Variants in SETD3 observed in about 807,000 individuals in gnomAD.
The protein encoded by SETD3 is actin-histidine N-methyltransferase.
SETD3 carries 19 observed loss-of-function variants against 63.0 expected under a neutral mutation model. The ratio of observed to expected loss-of-function variants is 0.30; its 90% CI spans 0.21 to 0.44. SETD3 has a LOEUF of 0.44. Ranked by LOEUF, SETD3 falls within the 20% of genes least tolerant of loss-of-function variation. SETD3 has a pLI of 1.00. For synonymous variants in SETD3, 286 were observed against 264.1 expected (o/e 1.08, Z -0.80); for missense variants, 587 against 728.5 (o/e 0.81, Z 2.24).
chr14:99,445,138 T>G (rs1446366917), intron 6 of SETD3, among the ~76,000 whole-genome samples: 1 of 152,196 alleles, frequency 6.6e-6, no homozygotes, highest in African/African-American at 2.4e-5. Flanking sequence ...AAATGAATAC[T>G]GGCAGCCAAG....
upstream of SETD3, among the ~76,000 whole-genome samples, chr14:99,483,190 A>G (rs977407895): frequency 6.6e-6 from 1 of 152,152 alleles, no homozygotes; most frequent in African/African-American, 2.4e-5. Flanking sequence ...GGAAGAGCCA[A>G]CAAGTTTATG....
chr14:99,439,587 AT>A (rs1893674055), intron 6 of SETD3, among the ~76,000 whole-genome samples: 1 of 148,098 alleles, frequency 6.8e-6, no homozygotes, highest in Non-Finnish European at 1.5e-5. Context: ...TTATATATAA[AT>A]ATAGAAAACA....
chr14:99,407,083 T>C (rs1413956769), intron 8 of SETD3, among the ~76,000 whole-genome samples: 1 of 152,238 alleles, frequency 6.6e-6, no homozygotes, highest in Admixed American at 6.5e-5. Flanking sequence ...AAGCTCTATT[T>C]CTGAATTATG....
Position 99,405,204 on chromosome 14 carries a change from C to T in SETD3, c.1091+1G>A, listed in dbSNP as rs1289473188. On this transcript the variant is annotated splice_donor_variant, in intron 10 of 12. Transcript: ENST00000331768. LOFTEE classifies it high-confidence loss of function. ...GGGCCAACCGATGTTTTTCTACGTA[C>T]GTGGGGATGCCGGCACGAGCCAAGA... 1 of 1,611,116 alleles carries T rather than the reference C, an allele frequency of 6.2e-7. No homozygotes were observed. The highest frequency in any genetic ancestry group is 1.1e-5 in the South Asian group (1 of 90,376).
At chr14:99,421,776 C>T (rs558817409) in intron 6 of SETD3, among the ~76,000 whole-genome samples, 1 of 152,186 alleles carries the variant, frequency 6.6e-6, no homozygotes, top group East Asian at 1.9e-4. Flanking sequence ...ACATTAAAAG[C>T]GTACCCAAGT....
intron 6 of SETD3, among the ~76,000 whole-genome samples, chr14:99,420,948 G>C (rs954399224): frequency 4.8e-5 from 2 of 42,078 alleles, no homozygotes; most frequent in African/African-American, 1.1e-4. Context: ...AGGCGAGGGC[G>C]GGGGGGGGGG....
chr14:99,462,118 A>G (rs1224324035), intron 3 of SETD3, among the ~76,000 whole-genome samples: 1 of 152,200 alleles, frequency 6.6e-6, no homozygotes, highest in African/African-American at 2.4e-5. Flanking sequence ...AACAAATACA[A>G]AAACAAAACC....
chr14:99,400,439 G>A lies in SETD3; in HGVS notation c.1178-180C>T, dbSNP rs142224797. 3.0e-4 allele frequency among the ~76,000 whole-genome samples: 46 copies of A among 152,258 alleles called. No homozygotes were observed. The East Asian group carries it at 8.9e-3, about 29-fold the overall frequency. On this transcript the variant is annotated intron_variant, in intron 11 of 12. Coordinates refer to ENST00000331768, the MANE Select transcript of SETD3 (RefSeq NM_032233.3). ...CCAAAGTAGAGCAGAGCTAAGTTTT[G>A]GGGAGCAACACCAGGTCAGGCCTCT...
intron 6 of SETD3, among the ~76,000 whole-genome samples, chr14:99,452,068 G>A (rs919667223): frequency 3.9e-5 from 6 of 152,266 alleles, no homozygotes; most frequent in African/African-American, 9.6e-5. Context: ...CCATACACAC[G>A]AGTTAGAGCA....
At chr14:99,460,120 C>T (rs185876512) in intron 4 of SETD3, among the ~76,000 whole-genome samples, 2 of 152,000 alleles carry the variant, frequency 1.3e-5, no homozygotes, top group East Asian at 3.9e-4. Context: ...CCTGTCTTGT[C>T]CCTTACTATA....
chr14:99,482,643 A>T (rs1459262203), upstream of SETD3, among the ~76,000 whole-genome samples: 1 of 152,156 alleles, frequency 6.6e-6, no homozygotes, highest in African/African-American at 2.4e-5. Context: ...TTATTCAAGC[A>T]TATTAGTTGA....
chr14:99,438,468 A>G (rs564738375), intron 6 of SETD3, among the ~76,000 whole-genome samples: 1 of 152,368 alleles, frequency 6.6e-6, no homozygotes, highest in Non-Finnish European at 1.5e-5. Flanking sequence ...AGCATTGAAG[A>G]TTTCCATTCT....
intron 8 of SETD3, chr14:99,410,252 T>C (rs758003063): frequency 5.0e-6 from 8 of 1,613,274 alleles, no homozygotes. Context: ...GAGTCAGACC[T>C]GTGTGCACGG....
chr14:99,404,365 C>A, intron 10 of SETD3, 55 bp from the exon 11 acceptor site: 1 of 1,500,308 alleles, frequency 6.7e-7, no homozygotes. Flanking sequence ...CCACTTGCTC[C>A]AAACTGAGAT....
chr14:99,417,841 G>T (rs750157437), intron 6 of SETD3, among the ~76,000 whole-genome samples: 1 of 152,034 alleles, frequency 6.6e-6, no homozygotes, highest in Non-Finnish European at 1.5e-5. Flanking sequence ...ACATGGAGAG[G>T]TGTTTCCTAA....
chr14:99,481,741 GCAGT>G (rs2139840788), upstream of SETD3: 1 of 364,168 alleles, frequency 2.7e-6, no homozygotes, highest in Non-Finnish European at 4.9e-6. Flanking sequence ...GCACTGGGGG[GCAGT>G]CAGAGTTGGG....
rs1310693017 is a variant in SETD3, at chr14:99,398,058, T to C, written c.*621A>G. On this transcript the variant is annotated 3_prime_UTR_variant, in exon 13 of 13. Coordinates refer to ENST00000331768, the MANE Select transcript of SETD3 (RefSeq NM_032233.3). ...GTAAACAAATCTTTAGAAATCACTA[T>C]ATATATGTGTGTTTATATATATATT... 1 of 152,618 alleles carries C rather than the reference T, an allele frequency of 6.6e-6. No homozygotes were observed. The highest frequency in any genetic ancestry group is 1.5e-5 in the Non-Finnish European group (1 of 68,036). The allele number at this position is 152,618 out of a possible 1,614,324, so 9.5% of individuals were successfully genotyped here.
At chr14:99,416,929 T>C (rs982652997) in intron 6 of SETD3, among the ~76,000 whole-genome samples, 1 of 152,170 alleles carries the variant, frequency 6.6e-6, no homozygotes, top group Admixed American at 6.5e-5. Flanking sequence ...GCATTCCATG[T>C]TGAGACACAG....
At chr14:99,433,051 C>T (rs1435373491) in intron 6 of SETD3, among the ~76,000 whole-genome samples, 1 of 152,120 alleles carries the variant, frequency 6.6e-6, no homozygotes, top group African/African-American at 2.4e-5. Flanking sequence ...AAGATAATCA[C>T]AAAATGTGTA....
Sources: allele counts gnomAD v4.1 joint callset (sites outside exome capture counted in the v4.1 genomes callset), GRCh38; gene constraint gnomAD v4.1.1; transcripts MANE v1.5; gene names NCBI Gene and HGNC (gene_info 2026-07-23, HGNC 2026-07-21).